Variants in SGSM2 observed in about 807,000 individuals in gnomAD.
The protein encoded by SGSM2 is RUN and TBC1 domain containing 1.
In SGSM2, 89 loss-of-function variants were observed where a neutral mutation model predicts 126.6. The observed-to-expected ratio is 0.70, with a 90% CI of 0.59 to 0.84. SGSM2 has a LOEUF of 0.84. Ranked by LOEUF, SGSM2 falls within the 40% of genes least tolerant of loss-of-function variation. The pLI is 0.00. For missense variants in SGSM2, 1,404 were observed against 1,416.6 expected (o/e 0.99, Z 0.14); for synonymous variants, 614 against 574.3 (o/e 1.07, Z -0.99).
At position 2,380,041 on chromosome 17, in the gene SGSM2, G is replaced by C; in HGVS notation, c.*521G>C. The C allele has an allele frequency of 1.4e-6, 2 of 1,392,792 alleles. No individual in the cohort carries two copies. The highest frequency in any genetic ancestry group is 1.8e-6 in the Non-Finnish European group (2 of 1,082,592). 86.3% of individuals were successfully genotyped at this position (1,392,792 alleles called of 1,614,324 possible). ...GGTTTAGGCACACGTCACGGGTGCG[G>C]GAGACCCGGGCACGGGAGACCCGGG... On this transcript the variant is annotated 3_prime_UTR_variant, in exon 24 of 24. Transcript: ENST00000268989.
chr17:2,376,439 G>A, intron 19 of SGSM2, 178 bp downstream of exon 19: 1 of 747,480 alleles, frequency 1.3e-6, no homozygotes. Context: ...CATTCTTAGG[G>A]GCCTACCAGA....
intron 2 of SGSM2, among the ~76,000 whole-genome samples, chr17:2,345,994 G>T (rs1212184434): frequency 6.6e-6 from 1 of 152,150 alleles, no homozygotes; most frequent in African/African-American, 2.4e-5. Context: ...GGGAAGACTA[G>T]CAAGGTATGG....
chr17:2,377,697 C>G, intron 21 of SGSM2, 160 bp from the exon 22 acceptor site: 1 of 529,048 alleles, frequency 1.9e-6, no homozygotes, highest in Non-Finnish European at 3.4e-6. Context: ...ACAAGGAGAT[C>G]CGAGGGGGAG....
In SGSM2 at chr17:2,367,196, C is replaced by A. The variant is rs542090474; in HGVS notation, c.1289-75C>A. The A allele has an allele frequency of 6.7e-7, 1 of 1,502,720 alleles. No homozygotes were observed. Among genetic ancestry groups the A allele is most frequent in the South Asian group, 1.3e-5 (1 of 78,382 alleles). 93.1% of individuals were successfully genotyped at this position (1,502,720 alleles called of 1,614,324 possible). On this transcript the variant is annotated intron_variant, in intron 11 of 23. Coordinates refer to ENST00000268989, the MANE Select transcript of SGSM2 (RefSeq NM_014853.3). The surrounding 1 kb of genome is among the most constrained non-coding windows in gnomAD (Gnocchi z 4.0). ...GATGACCCCGGCCTCCATTCCACTC[C>A]CCTTAAGGAGGGAGTCCGTCCTGCC...
intron 2 of SGSM2, among the ~76,000 whole-genome samples, chr17:2,349,037 T>G (rs987881490): frequency 4.6e-5 from 7 of 151,746 alleles, no homozygotes; most frequent in African/African-American, 1.4e-4. Flanking sequence ...GTGCTGGGAT[T>G]ACAGGCATGA....
intron 2 of SGSM2, among the ~76,000 whole-genome samples, chr17:2,347,128 C>G (rs557154465): frequency 1.3e-5 from 2 of 151,794 alleles, no homozygotes; most frequent in Admixed American, 1.3e-4. Context: ...TATTTAGAGA[C>G]GGAGTCTCAC....
intron 21 of SGSM2, chr17:2,377,339 C>A (rs1455329772): frequency 2.7e-6 from 1 of 365,308 alleles, no homozygotes; most frequent in Non-Finnish European, 5.0e-6. Context: ...CAAAAATTAG[C>A]CGGGCGTGGT....
rs560199833 is a variant in SGSM2, at chr17:2,359,248, T to G, written c.134-2389T>G. Among the ~76,000 whole-genome samples, 89 of 152,162 alleles carry G rather than the reference T, an allele frequency of 5.8e-4. 2 individuals carry two copies. Among genetic ancestry groups the G allele is most frequent in the Non-Finnish European group, 1.1e-3 (73 of 68,014 alleles). ...TCTCGGGGCCATAGTTCTCAAGTAG[T>G]GGTGTCACTATTATTATTTTGTCTG... On this transcript the variant is annotated intron_variant, in intron 2 of 23. Transcript: ENST00000268989.
In SGSM2 at chr17:2,373,513, T is replaced by C. The variant is rs771624131; in HGVS notation, c.2100T>C (p.Asp700=). The C allele has an allele frequency of 5.0e-6, 8 of 1,598,926 alleles. No homozygotes were observed. The highest frequency in any genetic ancestry group is 4.5e-5 in the East Asian group (2 of 44,664). Residue 700 remains aspartate (D), a splice_region_variant and synonymous_variant, in exon 17 of 24, where the codon GAT becomes GAC. Transcript: ENST00000268989. ...LIHRDSTISN[D]VFISVDDLEP... ...ACCGAGACTCCACCATCAGCAACGA[T>C]GTGAGCCAGACGGGACCTGGAGGGT...
chr17:2,341,827 A>C (rs1254712647), intron 1 of SGSM2, among the ~76,000 whole-genome samples: 1 of 152,242 alleles, frequency 6.6e-6, no homozygotes, highest in Admixed American at 6.5e-5. Flanking sequence ...AAGTGTGTGC[A>C]TCAGACATTC....
chr17:2,364,969 G>T lies in SGSM2; in HGVS notation c.1073G>T (p.Gly358Val). 6.2e-7 allele frequency: 1 copy of T among 1,613,638 alleles called. No individual in the cohort carries two copies. Among genetic ancestry groups the T allele is most frequent in the Non-Finnish European group, 8.5e-7 (1 of 1,180,044 alleles). The change falls in exon 10 of 24, where the codon GGA becomes GTA. Residue 358 changes from glycine to valine, a missense_variant. Gly to Val is a moderately radical substitution (Grantham distance 109, BLOSUM62 -3). Transcript: ENST00000268989. The stretch of plus-strand genomic sequence containing the variant: ...CCGCCGCTGCATTTCCCACAGGGAG[G>T]ACACCTGCTGTCCTTTCTGTCCTGT... ...QRPPLHFPQG[G>V]HLLSFLSCLE...
intron 2 of SGSM2, among the ~76,000 whole-genome samples, chr17:2,345,477 T>C (rs2064559513): frequency 6.6e-6 from 1 of 151,098 alleles, no homozygotes; most frequent in Non-Finnish European, 1.5e-5. Flanking sequence ...GCGCCTGTAG[T>C]CCCAGCTACT....
chr17:2,371,464 C>T lies in SGSM2; in HGVS notation c.1577+49C>T, dbSNP rs373940293. ...AGCTTCCCGTTAGCGTGTCCAGCCA[C>T]GTGTGTGTCCGTCTGTCCTTAAAGG... On this transcript the variant is annotated intron_variant, in intron 13 of 23. Transcript: ENST00000268989. 1.7e-5 allele frequency: 26 copies of T among 1,540,012 alleles called. No individual in the cohort carries two copies. The South Asian group carries it at 1.9e-4, about 11-fold the overall frequency.
Position 2,376,809 on chromosome 17 carries a change from G to A in SGSM2, c.2686G>A (p.Asp896Asn), listed in dbSNP as rs11555407. 15 of 1,614,008 alleles carry A rather than the reference G, an allele frequency of 9.3e-6. No individual in the cohort carries two copies. The highest frequency in any genetic ancestry group is 1.1e-5 in the Non-Finnish European group (13 of 1,179,986). Reference protein sequence around the residue: ...DLLAPLLVTLDNDQLAYSCFS... With the variant: ...DLLAPLLVTLNNDQLAYSCFS... Reference sequence around the variant, plus strand: ...GCTGGCGCCTCTCCTGGTCACCCTCGACAATGGTGAGGGATGGCGGGACAT... The same window carrying A: ...GCTGGCGCCTCTCCTGGTCACCCTCAACAATGGTGAGGGATGGCGGGACAT... Residue 896 changes from aspartate to asparagine, a missense_variant, in exon 20 of 24, where the codon GAC becomes AAC. Asp to Asn is a conservative substitution (Grantham distance 23). Transcript: ENST00000268989.
Position 2,363,209 on chromosome 17 carries a change from C to G in SGSM2, c.672+75C>G, listed in dbSNP as rs552312797. 4.0e-6 allele frequency: 6 copies of G among 1,493,088 alleles called. No individual in the cohort carries two copies. Among genetic ancestry groups the G allele is most frequent in the African/African-American group, 2.8e-5 (2 of 71,972 alleles). 92.5% of individuals were successfully genotyped at this position (1,493,088 alleles called of 1,614,324 possible). A position where few individuals can be genotyped will look rare whatever the true frequency, so the allele number is the denominator to read the frequency against. The stretch of plus-strand genomic sequence containing the variant: ...GCCTGTAGGGACGGGAAACCGGCCT[C>G]TCTACGGGACAGGCCTTGGAGATGC... On this transcript the variant is annotated intron_variant, in intron 6 of 23. Coordinates refer to ENST00000268989, the MANE Select transcript of SGSM2 (RefSeq NM_014853.3). The surrounding 1 kb of genome is among the most constrained non-coding windows in gnomAD (Gnocchi z 4.2).
chr17:2,378,919 C>T (rs2066297629), intron 22 of SGSM2, 117 bp from the exon 23 acceptor site: 2 of 1,227,062 alleles, frequency 1.6e-6, no homozygotes. Context: ...TCAGCCCCAG[C>T]CCCAGCCTCA....
In SGSM2 at chr17:2,379,935, G is replaced by A. The variant is rs1049856448; in HGVS notation, c.*415G>A. On this transcript the variant is annotated 3_prime_UTR_variant, in exon 24 of 24. Transcript: ENST00000268989. ...GGCAGAGGGCGAGAGGCTCTGTGCT[G>A]TGTCCCTTCTGAGGGTCCCTTTGCA... 6 of 1,326,384 alleles carry A rather than the reference G, an allele frequency of 4.5e-6. No individual in the cohort carries two copies. The highest frequency in any genetic ancestry group is 5.8e-6 in the Non-Finnish European group (6 of 1,036,096). The allele number at this position is 1,326,384 out of a possible 1,614,324, so 82.2% of individuals were successfully genotyped here. A position where few individuals can be genotyped will look rare whatever the true frequency, so the allele number is the denominator to read the frequency against.
chr17:2,347,317 G>C (rs545060116), intron 2 of SGSM2, among the ~76,000 whole-genome samples: 1 of 152,018 alleles, frequency 6.6e-6, no homozygotes, highest in East Asian at 2.0e-4. Flanking sequence ...ATGTTGGCCA[G>C]GCTGGTCTCG....
rs1424612414 is a variant in SGSM2, at chr17:2,372,573, G to C, written c.1788+85G>C. On this transcript the variant is annotated intron_variant, in intron 15 of 23. Transcript: ENST00000268989. The surrounding 1 kb of genome is among the most constrained non-coding windows in gnomAD (Gnocchi z 6.0). ...GCTTCAGGGTAAAATGTGCCAGTGG[G>C]TGCGGTTGACAGGCCAGGGCCGATG... 6.5e-7 allele frequency: 1 copy of C among 1,533,642 alleles called. No homozygotes were observed. The highest frequency in any genetic ancestry group is 1.4e-5 in the African/African-American group (1 of 72,652).
Sources: gnomAD v4.1 joint callset for allele counts (sites outside exome capture counted in the v4.1 genomes callset) on GRCh38, gnomAD v4.1.1 for gene constraint, Gnocchi (gnomAD v3.1) non-coding constraint, MANE v1.5 for transcripts, NCBI Gene and HGNC (gene_info 2026-07-23, HGNC 2026-07-21) for gene names.